The following MYH14 variants were observed in gnomAD, a reference collection of about 807,000 sequenced individuals.
MYH14 encodes the protein myosin heavy chain 14, also known as myosin-14.
MYH14 carries 123 observed loss-of-function variants against 255.5 expected under a neutral mutation model. The ratio of observed to expected loss-of-function variants is 0.48; its 90% CI spans 0.42 to 0.56. The LOEUF (loss-of-function observed/expected upper bound fraction) is 0.56, where lower values mean the gene tolerates loss of function less well. MYH14 is among the 20% of genes least tolerant of loss of function. The pLI is 0.00. For missense variants in MYH14, 2,423 were observed against 2,802.3 expected (o/e 0.86, Z 3.06); for synonymous variants, 1,095 against 1,161.2 (o/e 0.94, Z 1.16).
intron 34 of MYH14, 101 bp downstream of exon 34, chr19:50,286,795 A>G: frequency 8.7e-7 from 1 of 1,150,410 alleles, no homozygotes; most frequent in Non-Finnish European, 1.2e-6. Context: ...CCAGCCATCA[A>G]AGTCATATGT....
chr19:50,251,793 C>T (rs2034411329), intron 15 of MYH14, among the ~76,000 whole-genome samples: 1 of 152,040 alleles, frequency 6.6e-6, no homozygotes, highest in Non-Finnish European at 1.5e-5. Flanking sequence ...GGCCAGGCTG[C>T]TCTCGAACTC....
intron 41 of MYH14, among the ~76,000 whole-genome samples, chr19:50,307,862 G>A (rs971136307): frequency 6.6e-6 from 1 of 152,204 alleles, no homozygotes; most frequent in Non-Finnish European, 1.5e-5. Context: ...AAGCTCAGCT[G>A]TGCTTTATTC....
chr19:50,278,384 T>G (rs991926651), intron 30 of MYH14, 95 bp downstream of exon 30: 4 of 893,312 alleles, frequency 4.5e-6, no homozygotes, highest in Admixed American at 3.0e-5. Flanking sequence ...TCAAACCAAT[T>G]GTCTCGTTTG....
At position 50,309,041 on chromosome 19, in the gene MYH14, C is replaced by A; in HGVS notation, c.5824C>A (p.Arg1942=). Residue 1942 remains arginine (R), a synonymous_variant, in exon 42 of 43, where the codon CGG becomes AGG. Coordinates refer to ENST00000642316, the MANE Select transcript of MYH14 (RefSeq NM_001145809.2). ...KGNLRVKQLK[R]QLEEAEEEAS... is the part of the protein sequence containing the mutation. ...AAACCTTCGAGTCAAGCAGCTGAAG[C>A]GGCAGCTGGAGGAGGCCGAGGAGGA... 1 of 1,613,220 alleles carries A rather than the reference C, an allele frequency of 6.2e-7. No homozygotes were observed. The highest frequency in any genetic ancestry group is 8.5e-7 in the Non-Finnish European group (1 of 1,179,570).
At position 50,280,160 on chromosome 19, in the gene MYH14, C is replaced by T. The variant is rs371870438; in HGVS notation, c.4137+19C>T. ...TGCCCAGGTGACCCTGCCTGCCCTT[C>T]GGCTCCACCGTCACCCTCCCCTCCT... On this transcript the variant is annotated intron_variant, in intron 31 of 42. Transcript: ENST00000642316. The surrounding 1 kb of genome is among the most constrained non-coding windows in gnomAD (Gnocchi z 4.8). The T allele has an allele frequency of 3.9e-5, 61 of 1,575,120 alleles. No homozygotes were observed. The highest frequency in any genetic ancestry group is 5.1e-5 in the Non-Finnish European group (59 of 1,161,578).
intron 8 of MYH14, 38 bp downstream of exon 8, chr19:50,227,004 G>A: frequency 6.2e-7 from 1 of 1,606,028 alleles, no homozygotes; most frequent in South Asian, 1.1e-5. Context: ...CAGCCAAGGG[G>A]GGCAGCCTTT....
chr19:50,280,422 C>T lies in MYH14; in HGVS notation c.4290+39C>T, dbSNP rs755273754. The T allele has an allele frequency of 2.2e-5, 33 of 1,484,484 alleles. No individual in the cohort carries two copies. The highest frequency in any genetic ancestry group is 1.0e-4 in the East Asian group (4 of 40,156). The allele number at this position is 1,484,484 out of a possible 1,614,324, so 92.0% of individuals were successfully genotyped here. ...CGTAAGACCTTCAGGGAGGCACAGC[C>T]CCCCTCACTGCTCCTCCTGGGTTCC... On this transcript the variant is annotated intron_variant, in intron 32 of 42. Coordinates refer to ENST00000642316, the MANE Select transcript of MYH14 (RefSeq NM_001145809.2). This position sits in a 1 kb window ranked among gnomAD's most constrained non-coding sequence, Gnocchi z 4.8.
intron 1 of MYH14, 146 bp from the exon 2 acceptor site, chr19:50,210,217 G>A (rs1213608083): frequency 3.9e-5 from 24 of 620,478 alleles, no homozygotes; most frequent in Non-Finnish European, 5.7e-5. Flanking sequence ...TGAGTAAGCT[G>A]GGTCTGTTAA....
intron 30 of MYH14, among the ~76,000 whole-genome samples, chr19:50,279,688 C>T (rs549483491): frequency 2.6e-5 from 4 of 152,272 alleles, no homozygotes; most frequent in East Asian, 3.9e-4. Context: ...TTTCTATTGC[C>T]GAATAATGCC....
chr19:50,231,059 C>A, intron 9 of MYH14: 1 of 196,830 alleles, frequency 5.1e-6, no homozygotes. Flanking sequence ...GCTCCTAGGC[C>A]ACGGCTCTTG....
intron 17 of MYH14, among the ~76,000 whole-genome samples, 162 bp from the exon 18 acceptor site, chr19:50,257,137 T>C (rs2034619605): frequency 6.6e-6 from 1 of 152,228 alleles, no homozygotes; most frequent in South Asian, 2.1e-4. Flanking sequence ...CCTCAGTATG[T>C]CCATCTGTCC....
At chr19:50,207,278 A>AGAGAGAGAGAGG (rs2031842920) in intron 1 of MYH14, among the ~76,000 whole-genome samples, 2 of 135,032 alleles carry the variant, frequency 1.5e-5, no homozygotes, top group South Asian at 5.2e-4. Context: ...AGACAGAGAG[A>AGAGAGAGAGAGG]GAGAGAGAGA....
chr19:50,257,362 C>T lies in MYH14; in HGVS notation c.2108C>T (p.Pro703Leu). Residue 703 changes from proline (P) to leucine (L), a missense_variant, in exon 18 of 43, where the codon CCC becomes CTC. By Grantham distance (98) the Pro-to-Leu change is moderately conservative. Coordinates refer to ENST00000642316, the MANE Select transcript of MYH14 (RefSeq NM_001145809.2). ...SLGDGPPGGR[P>L]RRGMFRTVGQ... ...GGCGACGGCCCACCAGGTGGCCGCCCCCGTCGGGGTATGTTCCGGACAGTG... is the reference window on the plus strand; with the variant it reads ...GGCGACGGCCCACCAGGTGGCCGCCTCCGTCGGGGTATGTTCCGGACAGTG... 1 of 1,608,720 alleles carries T rather than the reference C, an allele frequency of 6.2e-7. No individual in the cohort carries two copies. Among genetic ancestry groups the T allele is most frequent in the Non-Finnish European group, 8.5e-7 (1 of 1,177,538 alleles).
intron 1 of MYH14, 83 bp from the exon 2 acceptor site, chr19:50,210,277 GGCT>G: frequency 7.8e-7 from 1 of 1,279,704 alleles, no homozygotes; most frequent in Admixed American, 2.7e-5. Context: ...AGGCAGAGGT[GGCT>G]GCCTGGGGAA....
intron 1 of MYH14, among the ~76,000 whole-genome samples, chr19:50,206,324 G>T (rs1236367858): frequency 6.6e-6 from 1 of 151,550 alleles, no homozygotes; most frequent in African/African-American, 2.4e-5. Flanking sequence ...TGGCTCCAGG[G>T]AGGAGAGGCA....
At position 50,309,064 on chromosome 19, in the gene MYH14, G is replaced by C; in HGVS notation, c.5847G>C (p.Glu1949Asp). Residue 1949 changes from glutamate to aspartate, a missense_variant, in exon 42 of 43, where the codon GAG becomes GAC. Glu to Asp is a conservative substitution (Grantham distance 45). Around this residue, in one of 3 missense-constraint regions of MYH14, gnomAD observed 1,513 missense variants for 1,674.8 expected, o/e 0.90. Transcript: ENST00000642316. ...QLKRQLEEAE[E>D]EASRAQAGRR... ...AGCGGCAGCTGGAGGAGGCCGAGGA[G>C]GAGGCATCCCGGGCTCAGGCCGGCC... is the stretch of plus-strand genomic sequence containing the variant. 3 of 1,613,856 alleles carry C rather than the reference G, an allele frequency of 1.9e-6. No homozygotes were observed. Among genetic ancestry groups the C allele is most frequent in the Non-Finnish European group, 2.5e-6 (3 of 1,179,822 alleles).
At chr19:50,287,812 C>A (rs1308709449) in intron 34 of MYH14, among the ~76,000 whole-genome samples, 1 of 152,130 alleles carries the variant, frequency 6.6e-6, no homozygotes, top group African/African-American at 2.4e-5. Flanking sequence ...AGAGAGAGAA[C>A]ACGAAGAGAA....
intron 8 of MYH14, among the ~76,000 whole-genome samples, chr19:50,227,439 C>T (rs968308139): frequency 2.6e-5 from 4 of 152,100 alleles, no homozygotes; most frequent in Admixed American, 2.0e-4. Context: ...TGGCTGGCCA[C>T]ATCCCCGCCT....
chr19:50,286,437 T>C, intron 33 of MYH14, 45 bp from the exon 34 acceptor site: 1 of 1,560,242 alleles, frequency 6.4e-7, no homozygotes, highest in Non-Finnish European at 8.7e-7. Context: ...TACACTCCTT[T>C]CAGCTAATCT....
Sources: gnomAD v4.1 joint callset for allele counts (sites outside exome capture counted in the v4.1 genomes callset) on GRCh38, gnomAD v4.1.1 for gene constraint, gnomAD v4.1.1 regional missense constraint, Gnocchi (gnomAD v3.1) non-coding constraint, MANE v1.5 for transcripts, NCBI Gene and HGNC (gene_info 2026-07-23, HGNC 2026-07-21) for gene names.